The following LAMA1 variants were observed in gnomAD, a reference collection of about 807,000 sequenced individuals.
LAMA1 encodes laminin subunit alpha-1.
A neutral mutation model predicts 348.7 loss-of-function variants in LAMA1; 219 were observed. That is an observed-to-expected ratio of 0.63 (90% CI 0.56 to 0.70). The LOEUF (loss-of-function observed/expected upper bound fraction) is 0.70, where lower values mean the gene tolerates loss of function less well. Ranked by LOEUF, LAMA1 falls within the 30% of genes least tolerant of loss-of-function variation. The probability of loss-of-function intolerance (pLI) is 0.00; values close to 1 mark genes in which losing one functional copy is unlikely to be tolerated. For missense variants in LAMA1, 3,744 were observed against 3,888.0 expected, an observed-to-expected ratio of 0.96 and a Z score of 0.99; for synonymous variants, 1,487 against 1,491.0, an observed-to-expected ratio of 1.00 and a Z score of 0.06.
chr18:7,043,041 A>G, intron 8 of LAMA1, 186 bp downstream of exon 8: 5 of 619,066 alleles, frequency 8.1e-6, no homozygotes, highest in Non-Finnish European at 8.5e-6. Flanking sequence ...ACAATGACTG[A>G]CATCTTATTT....
intron 1 of LAMA1, among the ~76,000 whole-genome samples, chr18:7,096,054 C>T (rs2143809706): frequency 6.6e-6 from 1 of 152,242 alleles, no homozygotes; most frequent in South Asian, 2.1e-4. Context: ...GGCAACAGCG[C>T]GAGACTCCGT....
chr18:7,098,217 C>T (rs1170790816), intron 1 of LAMA1, among the ~76,000 whole-genome samples: 4 of 152,238 alleles, frequency 2.6e-5, no homozygotes, highest in Non-Finnish European at 4.4e-5. Context: ...ACCTCCCAGC[C>T]GCCTGCCTTG....
Position 7,071,498 on chromosome 18 carries a change from C to T in LAMA1, c.345+8477G>A, listed in dbSNP as rs115196995. On this transcript the variant is annotated intron_variant, in intron 3 of 62. Transcript: ENST00000389658. ...CTGTATTACTTCATTGGTATACATA[C>T]GAAATGAACCTTTTTTCACTGAAAG... 1.7e-3 allele frequency among the ~76,000 whole-genome samples: 263 copies of T among 152,210 alleles called. 1 individual carries two copies. Among genetic ancestry groups the T allele is most frequent in the African/African-American group, 5.8e-3 (240 of 41,520 alleles).
At chr18:7,018,654 C>A (rs2057901111) in intron 19 of LAMA1, among the ~76,000 whole-genome samples, 2 of 152,132 alleles carry the variant, frequency 1.3e-5, no homozygotes. Flanking sequence ...CTCGGCCTTC[C>A]AAAGTGCTGG....
intron 3 of LAMA1, among the ~76,000 whole-genome samples, chr18:7,062,239 G>T (rs909366521): frequency 2.6e-5 from 4 of 152,182 alleles, no homozygotes; most frequent in Non-Finnish European, 4.4e-5. Context: ...GTTGGGGGAA[G>T]GCCCATTAAC....
At chr18:7,042,076 C>T in intron 9 of LAMA1, 69 bp downstream of exon 9, 1 of 1,022,850 alleles carries the variant, frequency 9.8e-7, no homozygotes, top group Non-Finnish European at 1.5e-6. Context: ...ACCATTAGTT[C>T]CAGTATGTGC....
chr18:7,089,794 G>T (rs2058232540), intron 1 of LAMA1, among the ~76,000 whole-genome samples: 1 of 152,234 alleles, frequency 6.6e-6, no homozygotes, highest in African/African-American at 2.4e-5. Flanking sequence ...TAGGAAAGGT[G>T]TGAGGGGTGG....
chr18:7,083,748 C>G, intron 1 of LAMA1, among the ~76,000 whole-genome samples: 1 of 151,978 alleles, frequency 6.6e-6, no homozygotes, highest in South Asian at 2.1e-4. Context: ...TTGCAAAGAA[C>G]CACATCTGTT....
intron 1 of LAMA1, among the ~76,000 whole-genome samples, chr18:7,096,011 T>C (rs1404986353): frequency 2.0e-5 from 3 of 152,204 alleles, no homozygotes; most frequent in Non-Finnish European, 4.4e-5. Flanking sequence ...GAGGTTGCAG[T>C]GAGCCGAGAT....
intron 29 of LAMA1, among the ~76,000 whole-genome samples, chr18:7,006,925 T>C (rs913027911): frequency 2.6e-5 from 4 of 152,184 alleles, no homozygotes; most frequent in African/African-American, 9.7e-5. Flanking sequence ...ACAGATAAAT[T>C]CATCAAGAAA....
intron 3 of LAMA1, among the ~76,000 whole-genome samples, chr18:7,078,911 G>A (rs955839830): frequency 6.6e-6 from 1 of 151,996 alleles, no homozygotes; most frequent in South Asian, 2.1e-4. Flanking sequence ...CGCTTGAACC[G>A]GGGAGGCGGA....
At chr18:7,036,228 C>A in intron 12 of LAMA1, 140 bp from the exon 13 acceptor site, 1 of 714,276 alleles carries the variant, frequency 1.4e-6, no homozygotes, top group South Asian at 1.5e-5. Flanking sequence ...CAAGGAAATT[C>A]ACATTAAAGG....
rs115622620 is a variant in LAMA1, at chr18:7,067,813, C to G, written c.345+12162G>C. 4.5e-3 allele frequency among the ~76,000 whole-genome samples: 689 copies of G among 152,064 alleles called. 4 individuals are homozygous for G. Among genetic ancestry groups the G allele is most frequent in the African/African-American group, 0.015 (637 of 41,470 alleles). ...ACCCTGCTCTTCCCTGCTGCTTCTT[C>G]CTTCTGTATTCCTGCCTCCCTTCCT... is the stretch of plus-strand genomic sequence containing the variant. On this transcript the variant is annotated intron_variant, in intron 3 of 62. Transcript: ENST00000389658.
At chr18:7,023,464 A>C in intron 18 of LAMA1, 89 bp from the exon 19 acceptor site, 2 of 1,031,484 alleles carry the variant, frequency 1.9e-6, no homozygotes, top group Non-Finnish European at 3.0e-6. Flanking sequence ...TGGCTAATAA[A>C]TCAGACGGAC....
chr18:7,084,074 GAAA>G (rs35419107), intron 1 of LAMA1, among the ~76,000 whole-genome samples: 2,691 of 49,514 alleles, frequency 0.054, 51 homozygotes, highest in African/African-American at 0.17. Flanking sequence ...TTCTGTCTCA[GAAA>G]AAAAAAAAAA....
rs1600378148 is a variant in LAMA1 at position 6,992,454 on chromosome 18, AT to A, written c.5168+106del. The A allele has an allele frequency of 3.2e-6, 4 of 1,261,924 alleles. No homozygotes were observed. In the East Asian group the frequency reaches 6.9e-5, roughly 22 times the overall value. 78.2% of individuals were successfully genotyped at this position (1,261,924 alleles called of 1,614,324 possible). A position where few individuals can be genotyped will look rare whatever the true frequency, so the allele number is the denominator to read the frequency against. On this transcript the variant is annotated intron_variant, in intron 36 of 62. Transcript: ENST00000389658. Reference sequence around the variant, plus strand: ...CCCTTCTCCTCTCTTAGGATATTTCATTTCCAGTGAGCACTTTTCTTCCACG... The same window carrying A: ...CCCTTCTCCTCTCTTAGGATATTTCATTCCAGTGAGCACTTTTCTTCCACG...
At chr18:7,085,360 T>C (rs2058210385) in intron 1 of LAMA1, among the ~76,000 whole-genome samples, 1 of 151,078 alleles carries the variant, frequency 6.6e-6, no homozygotes, top group African/African-American at 2.4e-5. Context: ...TTAAAAAACA[T>C]ACAAATCCAT....
chr18:7,115,875 G>C (rs1046603856), intron 1 of LAMA1, among the ~76,000 whole-genome samples: 2 of 150,768 alleles, frequency 1.3e-5, no homozygotes, highest in African/African-American at 4.9e-5. Flanking sequence ...CCAGCTACTC[G>C]GGAGGCTGAG....
intron 16 of LAMA1, among the ~76,000 whole-genome samples, chr18:7,028,551 A>C (rs2057954490): frequency 6.6e-6 from 1 of 152,234 alleles, no homozygotes; most frequent in African/African-American, 2.4e-5. Flanking sequence ...TTTTTCAGAT[A>C]AAGGAGAGTT....
Sources: allele counts gnomAD v4.1 joint callset (sites outside exome capture counted in the v4.1 genomes callset), GRCh38; gene constraint gnomAD v4.1.1; transcripts MANE v1.5; gene names NCBI Gene and HGNC (gene_info 2026-07-23, HGNC 2026-07-21).